The following NKAIN3 variants were observed in gnomAD, a reference collection of about 807,000 sequenced individuals.
NKAIN3 encodes sodium/potassium transporting ATPase interacting 3, also known as sodium/potassium-transporting ATPase subunit beta-1-interacting protein 3.
A neutral mutation model predicts 30.2 loss-of-function variants in NKAIN3; 25 were observed. The ratio of observed to expected loss-of-function variants is 0.83; its 90% CI spans 0.60 to 1.16. NKAIN3 has a LOEUF of 1.16. NKAIN3 is among the 50% of genes most tolerant of loss of function. NKAIN3 has a pLI of 0.00. For missense variants in NKAIN3, 225 were observed against 254.1 expected (o/e 0.89, Z 0.78); for synonymous variants, 91 against 89.6 (o/e 1.02, Z -0.09).
chr8:62,965,801 G>T lies in NKAIN3; in HGVS notation c.*394G>T. The T allele has an allele frequency of 1.0e-6, 1 of 985,278 alleles. No individual in the cohort carries two copies. The highest frequency in any genetic ancestry group is 1.2e-6 in the Non-Finnish European group (1 of 829,868). 61.0% of individuals were successfully genotyped at this position (985,278 alleles called of 1,614,324 possible). On this transcript the variant is annotated 3_prime_UTR_variant, in exon 7 of 7. Coordinates refer to ENST00000623646, the MANE Select transcript of NKAIN3 (RefSeq NM_001304533.3). Reference sequence around the variant, plus strand: ...CTGCTGACTGTTGAAGTTATTCTAGGCCTGATGAATTTGTTTTAGCAGACA... The same window carrying T: ...CTGCTGACTGTTGAAGTTATTCTAGTCCTGATGAATTTGTTTTAGCAGACA...
intron 4 of NKAIN3, among the ~76,000 whole-genome samples, chr8:62,786,000 T>C (rs1479985276): frequency 2.0e-5 from 3 of 152,054 alleles, no homozygotes; most frequent in Non-Finnish European, 4.4e-5. Flanking sequence ...GAAATAAGTG[T>C]CAGAGAGCAA....
chr8:62,252,747 AT>A (rs988934534), intron 1 of NKAIN3, among the ~76,000 whole-genome samples: 2 of 152,088 alleles, frequency 1.3e-5, no homozygotes, highest in Non-Finnish European at 2.9e-5. Flanking sequence ...CCTTTAGTAC[AT>A]TTTTTTTGTA....
chr8:62,857,836 C>CAGA (rs1820108065), intron 4 of NKAIN3, among the ~76,000 whole-genome samples: 1 of 152,216 alleles, frequency 6.6e-6, no homozygotes, highest in Non-Finnish European at 1.5e-5. Context: ...AAGCCTACTT[C>CAGA]TGTCATTTCA....
At chr8:62,479,852 T>C (rs1187677349) in intron 1 of NKAIN3, among the ~76,000 whole-genome samples, 1 of 152,138 alleles carries the variant, frequency 6.6e-6, no homozygotes, top group Non-Finnish European at 1.5e-5. Flanking sequence ...TTGGTCAGGA[T>C]ATTTCTGCTC....
intron 1 of NKAIN3, among the ~76,000 whole-genome samples, chr8:62,276,056 ACTTTTTT>A (rs1293302450): frequency 1.3e-5 from 2 of 151,760 alleles, no homozygotes; most frequent in African/African-American, 2.4e-5. Context: ...TCTGATTTTG[ACTTTTTT>A]CTTTTTTCTT....
intron 4 of NKAIN3, among the ~76,000 whole-genome samples, chr8:62,793,637 C>T (rs926329077): frequency 5.3e-5 from 8 of 152,068 alleles, no homozygotes; most frequent in Non-Finnish European, 1.2e-4. Context: ...TGGATGGGAC[C>T]ACTTCCCTCA....
At chr8:62,935,254 G>A (rs7000012) in intron 5 of NKAIN3, among the ~76,000 whole-genome samples, 119,921 of 152,146 alleles carry the variant, frequency 0.79, 48,283 homozygotes, top group East Asian at 0.98. Context: ...AATTCTTACA[G>A]ATCATTATGT....
chr8:62,937,529 C>G (rs6472061), intron 5 of NKAIN3, among the ~76,000 whole-genome samples: 105,322 of 151,956 alleles, frequency 0.69, 37,416 homozygotes, highest in African/African-American at 0.85. Flanking sequence ...AAGGACTCCT[C>G]GCCCCCAAGG....
At chr8:62,377,759 AC>A (rs904582140) in intron 1 of NKAIN3, among the ~76,000 whole-genome samples, 3 of 152,058 alleles carry the variant, frequency 2.0e-5, no homozygotes, top group Non-Finnish European at 4.4e-5. Context: ...CTCTCCTGCC[AC>A]CCTGTGGAGA....
At chr8:62,863,367 C>A in intron 4 of NKAIN3, 1 of 1,547,056 alleles carries the variant, frequency 6.5e-7, no homozygotes, top group East Asian at 2.3e-5. Context: ...CCGTTCTTCT[C>A]ACATATGCAT....
chr8:62,278,180 G>T (rs1328385838), intron 1 of NKAIN3, among the ~76,000 whole-genome samples: 1 of 152,140 alleles, frequency 6.6e-6, no homozygotes, highest in East Asian at 1.9e-4. Flanking sequence ...AGGATGGAGA[G>T]CTGAAGAGAC....
At chr8:62,652,014 G>T (rs951668226) in intron 3 of NKAIN3, among the ~76,000 whole-genome samples, 1 of 152,104 alleles carries the variant, frequency 6.6e-6, no homozygotes, top group Non-Finnish European at 1.5e-5. Context: ...TCCAGTCTCA[G>T]GTCATAGCAA....
At chr8:62,927,915 T>C (rs896128051) in intron 5 of NKAIN3, among the ~76,000 whole-genome samples, 2 of 152,232 alleles carry the variant, frequency 1.3e-5, no homozygotes, top group African/African-American at 4.8e-5. Context: ...ATAATATTTT[T>C]AAGAGCTATA....
At chr8:62,656,655 C>T (rs28681273) in intron 3 of NKAIN3, among the ~76,000 whole-genome samples, 3,570 of 152,116 alleles carry the variant, frequency 0.023, 118 homozygotes, top group African/African-American at 0.079. Context: ...TTTGAATTTG[C>T]GAATTGCGAT....
intron 1 of NKAIN3, among the ~76,000 whole-genome samples, chr8:62,559,892 A>G (rs1253067022): frequency 2.0e-5 from 3 of 151,988 alleles, no homozygotes; most frequent in Non-Finnish European, 4.4e-5. Context: ...TTCTTATTTG[A>G]TCATTTTATT....
intron 2 of NKAIN3, among the ~76,000 whole-genome samples, chr8:62,583,465 A>G (rs1358067294): frequency 6.6e-6 from 1 of 152,188 alleles, no homozygotes; most frequent in Non-Finnish European, 1.5e-5. Context: ...GGGGAGAGAA[A>G]GAAAGCAACA....
chr8:62,790,579 G>GTC (rs1554578139), intron 4 of NKAIN3, among the ~76,000 whole-genome samples: 1 of 51,934 alleles, frequency 1.9e-5, no homozygotes, highest in Non-Finnish European at 6.8e-5. Flanking sequence ...CTGTCTGTCT[G>GTC]TCTGTGTGTG....
intron 4 of NKAIN3, among the ~76,000 whole-genome samples, chr8:62,798,869 A>G (rs1817958835): frequency 6.6e-6 from 1 of 152,204 alleles, no homozygotes; most frequent in Non-Finnish European, 1.5e-5. Context: ...TCAAGAAAAC[A>G]TTGCTACCAG....
rs1824038455 is a variant in NKAIN3, at chr8:62,980,015, A to AGGGC, written c.*14609_*14612dup. On this transcript the variant is annotated 3_prime_UTR_variant, in exon 7 of 7. Coordinates refer to ENST00000623646, the MANE Select transcript of NKAIN3 (RefSeq NM_001304533.3). ...TATTCATCTTTGCTTTTGTCTTCTC[A>AGGGC]GGGCAAATAGGAAATCCTAGACCTC... 1 of 152,180 alleles carries AGGGC rather than the reference A, an allele frequency of 6.6e-6. No homozygotes were observed. Among genetic ancestry groups the AGGGC allele is most frequent in the South Asian group, 2.1e-4 (1 of 4,828 alleles). The allele number at this position is 152,180 out of a possible 1,614,324, so 9.4% of individuals were successfully genotyped here. A position where few individuals can be genotyped will look rare whatever the true frequency, so the allele number is the denominator to read the frequency against.
Sources: gnomAD v4.1 joint callset for allele counts (sites outside exome capture counted in the v4.1 genomes callset) on GRCh38, gnomAD v4.1.1 for gene constraint, MANE v1.5 for transcripts, NCBI Gene and HGNC (gene_info 2026-07-23, HGNC 2026-07-21) for gene names.